PCA3: variants seen among roughly 807,000 people sequenced by gnomAD.
PCA3 encodes prostate cancer associated 3, also known as Differential Display code 3.
At chr9:76,774,949 G>C (rs537766383) in intron 2 of PCA3, among the ~76,000 whole-genome samples, 9 of 152,166 alleles carry the variant, frequency 5.9e-5, no homozygotes, top group African/African-American at 2.2e-4. Context: ...TATGTAATGG[G>C]AACACTAATA....
chr9:76,782,747 A>G (rs1472842376), intron 2 of PCA3: 1 of 152,366 alleles, frequency 6.6e-6, no homozygotes, highest in Middle Eastern at 3.4e-3. Context: ...GAGTCTCCTC[A>G]GTGACACAGG....
intron 2 of PCA3, chr9:76,780,060 T>G (rs944086418): frequency 6.6e-6 from 1 of 152,232 alleles, no homozygotes; most frequent in Non-Finnish European, 1.5e-5. Flanking sequence ...ACTGGTATTT[T>G]CTTAAGGATT....
chr9:76,778,300 A>C (rs1328815251), intron 2 of PCA3: 1 of 152,186 alleles, frequency 6.6e-6, no homozygotes, highest in African/African-American at 2.4e-5. Flanking sequence ...TATGGCACAA[A>C]TACAGCCTTT....
At chr9:76,766,009 C>T (rs536706948) in intron 2 of PCA3, among the ~76,000 whole-genome samples, 7 of 151,958 alleles carry the variant, frequency 4.6e-5, no homozygotes, top group African/African-American at 1.2e-4. Flanking sequence ...GATGAAACCC[C>T]GTCTCTACTA....
intron 2 of PCA3, among the ~76,000 whole-genome samples, chr9:76,777,161 A>G (rs948130752): frequency 1.3e-5 from 2 of 152,080 alleles, no homozygotes; most frequent in Non-Finnish European, 2.9e-5. Flanking sequence ...CAGAGAAGGG[A>G]AGAAATGCAA....
At chr9:76,772,784 A>G (rs534615389) in intron 2 of PCA3, among the ~76,000 whole-genome samples, 2 of 152,158 alleles carry the variant, frequency 1.3e-5, no homozygotes, top group East Asian at 3.9e-4. Flanking sequence ...GGCTGGTCTC[A>G]AACTCCTGGC....
chr9:76,783,704 G>C (rs1179709141), intron 2 of PCA3: 1 of 152,120 alleles, frequency 6.6e-6, no homozygotes, highest in Admixed American at 6.5e-5. Context: ...TGTATTTCCA[G>C]GTGAGAAATA....
At chr9:76,783,145 T>C (rs1392633259) in intron 2 of PCA3, among the ~76,000 whole-genome samples, 1 of 152,204 alleles carries the variant, frequency 6.6e-6, no homozygotes, top group Non-Finnish European at 1.5e-5. Context: ...TTTTGTTTGT[T>C]TGTTTTTTGG....
intron 2 of PCA3, among the ~76,000 whole-genome samples, chr9:76,775,545 C>A (rs868615071): frequency 1.6e-4 from 25 of 152,156 alleles, no homozygotes; most frequent in African/African-American, 6.0e-4. Flanking sequence ...AAGCAATCTG[C>A]CTGCCTCAGC....
rs141785473 is a variant in PCA3, at chr9:76,777,632, C to T, written n.853-30951C>T. Among the ~76,000 whole-genome samples, 54 of 152,300 alleles carry T rather than the reference C, an allele frequency of 3.5e-4. No homozygotes were observed. The East Asian group carries it at 9.6e-3, about 27-fold the overall frequency. ...TAAAACAGACAAAAATCCCTACCCT[C>T]GTGAAAGTCACATTTCAATGCTGGT... On this transcript the variant is annotated intron_variant and non_coding_transcript_variant, in intron 2 of 5. Coordinates refer to ENST00000644657, the Ensembl canonical transcript of PCA3.
intron 2 of PCA3, among the ~76,000 whole-genome samples, chr9:76,772,811 A>G (rs2053264494): frequency 6.6e-6 from 1 of 152,008 alleles, no homozygotes; most frequent in South Asian, 2.1e-4. Flanking sequence ...CAATCCTCCC[A>G]TCTTGGCCTC....
At chr9:76,777,822 T>C (rs1443812184) in intron 2 of PCA3, among the ~76,000 whole-genome samples, 2 of 152,206 alleles carry the variant, frequency 1.3e-5, no homozygotes, top group African/African-American at 2.4e-5. Flanking sequence ...ACATGACATT[T>C]GAGCAGAGAA....
In PCA3 at chr9:76,774,450, C is replaced by CTTTTTTTATTTATTTATTTATTTTTTTTT. The variant is rs1564272256; in HGVS notation, n.853-34126_853-34125insATTTATTTATTTATTTTTTTTTTTTTTTT. The stretch of plus-strand genomic sequence containing the variant: ...ATCGTTCCTGGCCTCCAGTTCAACC[C>CTTTTTTTATTTATTTATTTATTTTTTTTT]TTTTTTTTTTTTTTTTTTTTTTTTT... On this transcript the variant is annotated intron_variant and non_coding_transcript_variant, in intron 2 of 5. Coordinates refer to ENST00000644657, the Ensembl canonical transcript of PCA3. Among the ~76,000 whole-genome samples the CTTTTTTTATTTATTTATTTATTTTTTTTT allele has an allele frequency of 2.7e-4, 11 of 41,402 alleles. 1 individual carries two copies. Among genetic ancestry groups the CTTTTTTTATTTATTTATTTATTTTTTTTT allele is most frequent in the African/African-American group, 7.6e-4 (4 of 5,286 alleles). The allele number at this position is 41,402 out of a possible 152,430, so 27.2% of individuals were successfully genotyped here.
chr9:76,781,235 C>G, intron 2 of PCA3, among the ~76,000 whole-genome samples: 1 of 152,228 alleles, frequency 6.6e-6, no homozygotes, highest in Non-Finnish European at 1.5e-5. Flanking sequence ...CATCCCTATC[C>G]TTTTTATAAT....
intron 2 of PCA3, among the ~76,000 whole-genome samples, chr9:76,779,314 C>A (rs1395945880): frequency 6.6e-6 from 1 of 151,336 alleles, no homozygotes; most frequent in Non-Finnish European, 1.5e-5. Context: ...TCCACATAAT[C>A]CAACCTGTGA....
intron 2 of PCA3, among the ~76,000 whole-genome samples, chr9:76,776,613 C>T (rs1484808423): frequency 7.1e-6 from 1 of 140,960 alleles, no homozygotes; most frequent in Non-Finnish European, 1.5e-5. Flanking sequence ...CTCCCGAGTT[C>T]AAGCAATTCT....
At chr9:76,782,386 G>A (rs2054510938) in intron 2 of PCA3, among the ~76,000 whole-genome samples, 1 of 152,160 alleles carries the variant, frequency 6.6e-6, no homozygotes. Context: ...CAGTGGAGTA[G>A]TTAAGACCAT....
intron 2 of PCA3, among the ~76,000 whole-genome samples, chr9:76,766,620 A>G (rs2052422344): frequency 6.6e-6 from 1 of 151,490 alleles, no homozygotes; most frequent in Middle Eastern, 3.2e-3. Context: ...GTCCTTACAT[A>G]CCTCCCTCGT....
At chr9:76,783,223 G>A (rs556404368) in intron 2 of PCA3, among the ~76,000 whole-genome samples, 5 of 152,090 alleles carry the variant, frequency 3.3e-5, no homozygotes, top group African/African-American at 9.7e-5. Context: ...TGCAACCTCC[G>A]CCTCCCATGT....
Sources: allele counts gnomAD v4.1 joint callset (sites outside exome capture counted in the v4.1 genomes callset), GRCh38; gene constraint gnomAD v4.1.1; transcripts MANE v1.5; gene names NCBI Gene and HGNC (gene_info 2026-07-23, HGNC 2026-07-21).